LRRC8D: variants seen among roughly 807,000 people sequenced by gnomAD.
LRRC8D encodes leucine rich repeat containing 8 VRAC subunit D.
LRRC8D carries 20 observed loss-of-function variants against 55.8 expected under a neutral mutation model. That is an observed-to-expected ratio of 0.36 (90% CI 0.25 to 0.52). LRRC8D has a LOEUF of 0.52. Among genes scored for constraint, LRRC8D ranks in the 20% least tolerant of loss-of-function variants. The pLI, the probability that LRRC8D is intolerant of heterozygous loss-of-function variation, is 0.93. For synonymous variants in LRRC8D, 352 were observed against 377.0 expected (o/e 0.93, Z 0.77); for missense variants, 651 against 1,030.8 (o/e 0.63, Z 5.05).
At chr1:89,892,509 A>G (rs940908116) in intron 2 of LRRC8D, among the ~76,000 whole-genome samples, 1 of 152,006 alleles carries the variant, frequency 6.6e-6, no homozygotes, top group Non-Finnish European at 1.5e-5. Flanking sequence ...AACCGTCACT[A>G]GATTGATATT....
At chr1:89,866,914 G>T (rs1179758292) in intron 2 of LRRC8D, among the ~76,000 whole-genome samples, 1 of 151,948 alleles carries the variant, frequency 6.6e-6, no homozygotes, top group Non-Finnish European at 1.5e-5. Flanking sequence ...AGGAAAAATC[G>T]GTGTGATGTC....
chr1:89,865,459 A>G (rs976026546), intron 2 of LRRC8D, among the ~76,000 whole-genome samples: 1 of 151,694 alleles, frequency 6.6e-6, no homozygotes, highest in African/African-American at 2.4e-5. Context: ...AATAAGATGA[A>G]TGCTTTTTTG....
chr1:89,897,685 T>C (rs554980169), intron 2 of LRRC8D, among the ~76,000 whole-genome samples: 1 of 152,298 alleles, frequency 6.6e-6, no homozygotes, highest in African/African-American at 2.4e-5. Flanking sequence ...ATCAGGCATA[T>C]ATTAACTTTT....
intron 2 of LRRC8D, among the ~76,000 whole-genome samples, chr1:89,928,141 C>T (rs774531492): frequency 8.5e-5 from 13 of 152,292 alleles, no homozygotes; most frequent in South Asian, 6.2e-4. Context: ...ATGATCTCGC[C>T]GCACTGCAAC....
chr1:89,875,677 A>G (rs1183296101), intron 2 of LRRC8D, among the ~76,000 whole-genome samples: 3 of 152,160 alleles, frequency 2.0e-5, no homozygotes, highest in African/African-American at 7.2e-5. Flanking sequence ...TGTACCCAAC[A>G]CATAGAAGGT....
At chr1:89,873,291 C>T (rs1570843900) in intron 2 of LRRC8D, among the ~76,000 whole-genome samples, 2 of 152,218 alleles carry the variant, frequency 1.3e-5, no homozygotes, top group African/African-American at 4.8e-5. Flanking sequence ...GTGTTACAGC[C>T]TTCTGGGAAG....
chr1:89,897,402 T>G (rs1293344018), intron 2 of LRRC8D, among the ~76,000 whole-genome samples: 1 of 152,232 alleles, frequency 6.6e-6, no homozygotes, highest in Admixed American at 6.5e-5. Flanking sequence ...GTGAAATTTT[T>G]GTCACAAGAA....
chr1:89,918,990 G>A (rs543270757), intron 2 of LRRC8D, among the ~76,000 whole-genome samples: 29 of 152,124 alleles, frequency 1.9e-4, no homozygotes, highest in Admixed American at 3.9e-4. Context: ...CTGAGGATAC[G>A]CAGATAAAAG....
chr1:89,826,495 G>A (rs1196419141), intron 1 of LRRC8D, among the ~76,000 whole-genome samples: 3 of 151,986 alleles, frequency 2.0e-5, no homozygotes, highest in East Asian at 1.9e-4. Context: ...CTCATGATCC[G>A]CCCGCCTCGG....
chr1:89,914,370 T>A (rs1024982715), intron 2 of LRRC8D, among the ~76,000 whole-genome samples: 1 of 151,940 alleles, frequency 6.6e-6, no homozygotes, highest in African/African-American at 2.4e-5. Context: ...GCTGAGGGAG[T>A]GGGCTCCAGC....
chr1:89,824,221 C>T (rs948774796), intron 1 of LRRC8D, among the ~76,000 whole-genome samples: 1 of 152,126 alleles, frequency 6.6e-6, no homozygotes, highest in Non-Finnish European at 1.5e-5. Flanking sequence ...CCTTAGATCT[C>T]AGAATAGGTC....
At chr1:89,892,057 C>CT (rs1662591236) in intron 2 of LRRC8D, among the ~76,000 whole-genome samples, 1 of 152,182 alleles carries the variant, frequency 6.6e-6, no homozygotes, top group Non-Finnish European at 1.5e-5. Context: ...CTGTGTAACC[C>CT]CAGTTCATCC....
At chr1:89,865,477 T>C (rs1033542625) in intron 2 of LRRC8D, among the ~76,000 whole-genome samples, 1 of 151,896 alleles carries the variant, frequency 6.6e-6, no homozygotes, top group African/African-American at 2.4e-5. Context: ...TTGCCAACAC[T>C]AAATCACTTA....
In LRRC8D at chr1:89,823,710, T is replaced by C. The variant is rs544068180; in HGVS notation, c.-148+2419T>C. Among the ~76,000 whole-genome samples, 4 of 152,310 alleles carry C rather than the reference T, an allele frequency of 2.6e-5. No individual in the cohort carries two copies. The South Asian group carries it at 8.3e-4, about 32-fold the overall frequency. On this transcript the variant is annotated intron_variant, in intron 1 of 2. Coordinates refer to ENST00000337338, the MANE Select transcript of LRRC8D (RefSeq NM_001134479.2). The stretch of plus-strand genomic sequence containing the variant: ...GAACTGGAGTGGGTGCTGTGGGATC[T>C]TAACAAGGCAGGAGAGGATTCTCGT...
intron 2 of LRRC8D, chr1:89,929,733 A>G (rs1369813185): frequency 6.6e-6 from 1 of 152,218 alleles, no homozygotes; most frequent in Non-Finnish European, 1.5e-5. Context: ...GTGTATATGC[A>G]TGTATGTATG....
At chr1:89,838,199 A>T (rs1392923239) in intron 1 of LRRC8D, among the ~76,000 whole-genome samples, 1 of 7,792 alleles carries the variant, frequency 1.3e-4, no homozygotes, top group African/African-American at 1.4e-4. Flanking sequence ...TGTCCCTTAA[A>T]AAAAAAAAAA....
chr1:89,868,963 G>A (rs1661924772), intron 2 of LRRC8D, among the ~76,000 whole-genome samples: 1 of 152,158 alleles, frequency 6.6e-6, no homozygotes, highest in Non-Finnish European at 1.5e-5. Flanking sequence ...CTGGAGTGCA[G>A]TGGTATGATC....
chr1:89,871,341 C>A (rs185709793), intron 2 of LRRC8D, among the ~76,000 whole-genome samples: 1 of 152,150 alleles, frequency 6.6e-6, no homozygotes, highest in Non-Finnish European at 1.5e-5. Flanking sequence ...GCGGTTGAAT[C>A]GGTATTTGGA....
At chr1:89,901,265 G>C (rs1304857790) in intron 2 of LRRC8D, among the ~76,000 whole-genome samples, 1 of 152,166 alleles carries the variant, frequency 6.6e-6, no homozygotes, top group Non-Finnish European at 1.5e-5. Flanking sequence ...GAGATGTGCT[G>C]AGTGGAAAGA....
Sources: gnomAD v4.1 joint callset for allele counts (sites outside exome capture counted in the v4.1 genomes callset) on GRCh38, gnomAD v4.1.1 for gene constraint, MANE v1.5 for transcripts, NCBI Gene and HGNC (gene_info 2026-07-23, HGNC 2026-07-21) for gene names.